The following BTBD10 variants were observed in gnomAD, a reference collection of about 807,000 sequenced individuals.
The protein encoded by BTBD10 is BTB/POZ domain-containing protein 10.
Under a neutral mutation model 53.2 loss-of-function variants are expected in BTBD10, and 21 were observed. That is an observed-to-expected ratio of 0.39 (90% CI 0.28 to 0.57). The LOEUF is 0.57. Among genes scored for constraint, BTBD10 ranks in the 20% least tolerant of loss-of-function variants. BTBD10 has a pLI of 0.53. For synonymous variants in BTBD10, 149 were observed against 192.7 expected, an observed-to-expected ratio of 0.77 and a Z score of 1.88; for missense variants, 360 against 594.7, an observed-to-expected ratio of 0.61 and a Z score of 4.10.
At chr11:13,419,115 G>A (rs1356575070) in intron 4 of BTBD10, among the ~76,000 whole-genome samples, 3 of 151,670 alleles carry the variant, frequency 2.0e-5, no homozygotes, top group Admixed American at 6.6e-5. Flanking sequence ...GAACCCAAGT[G>A]CAGGAAACAT....
intron 2 of BTBD10, among the ~76,000 whole-genome samples, chr11:13,443,968 A>C (rs1374115851): frequency 6.6e-6 from 1 of 151,784 alleles, no homozygotes; most frequent in African/African-American, 2.4e-5. Context: ...GGATGCTGAC[A>C]CACACACACA....
chr11:13,440,524 A>T (rs1435803882), intron 2 of BTBD10, among the ~76,000 whole-genome samples: 4 of 152,212 alleles, frequency 2.6e-5, no homozygotes, highest in Admixed American at 6.5e-5. Flanking sequence ...GCTCTTTAAA[A>T]TCAAAGAGAA....
At chr11:13,424,700 G>A (rs1023596254) in intron 2 of BTBD10, among the ~76,000 whole-genome samples, 7 of 152,076 alleles carry the variant, frequency 4.6e-5, no homozygotes, top group Admixed American at 6.5e-5. Flanking sequence ...AGCCAAGATA[G>A]AATAACAAGG....
At chr11:13,406,855 G>GTC (rs60764407) in intron 6 of BTBD10, among the ~76,000 whole-genome samples, 70,214 of 151,508 alleles carry the variant, frequency 0.46, 17,194 homozygotes, top group South Asian at 0.62. Context: ...ACTTAGCCAT[G>GTC]TCTCTCTCCA....
At position 13,445,126 on chromosome 11, in the gene BTBD10, C is replaced by T. The variant is rs545794626; in HGVS notation, c.-2G>A. 1.2e-6 allele frequency: 2 copies of T among 1,610,564 alleles called. No homozygotes were observed. The highest frequency in any genetic ancestry group is 3.3e-5 in the Admixed American group (2 of 59,952). ...ATAGGGATGAGGCCGTCCTGCCATC[C>T]CACTCCAAGCTTCCTCACACTACTG... On this transcript the variant is annotated 5_prime_UTR_variant, in exon 2 of 9. Coordinates refer to ENST00000278174, the MANE Select transcript of BTBD10 (RefSeq NM_032320.7).
At chr11:13,393,536 CT>C (rs1453170537) in intron 8 of BTBD10, among the ~76,000 whole-genome samples, 1 of 151,956 alleles carries the variant, frequency 6.6e-6, no homozygotes, top group Non-Finnish European at 1.5e-5. Flanking sequence ...GACTATTCTA[CT>C]TATTTTTTCA....
At chr11:13,413,702 C>G in intron 5 of BTBD10, 52 bp from the exon 6 acceptor site, 1 of 1,509,282 alleles carries the variant, frequency 6.6e-7, no homozygotes, top group Non-Finnish European at 8.9e-7. Flanking sequence ...ATAAGGTAGC[C>G]AAAACTTATT....
At chr11:13,455,895 C>T (rs72857073) in intron 1 of BTBD10, among the ~76,000 whole-genome samples, 24,010 of 152,070 alleles carry the variant, frequency 0.16, 2,086 homozygotes, top group Admixed American at 0.24. Flanking sequence ...CATTCCTTTC[C>T]GATTTTTGTC....
At chr11:13,445,774 C>G (rs1041983139) in intron 1 of BTBD10, among the ~76,000 whole-genome samples, 2 of 152,066 alleles carry the variant, frequency 1.3e-5, no homozygotes, top group African/African-American at 4.8e-5. Context: ...ATACTTTATG[C>G]CTTTTCACAT....
chr11:13,463,215 G>C lies in BTBD10; in HGVS notation c.-181C>G, dbSNP rs1232530110. On this transcript the variant is annotated 5_prime_UTR_variant, in exon 1 of 9. Transcript: ENST00000278174. ...GGTGGCTGTGGAGGAAGCCACTGAG[G>C]CGGCTGCGCGTAGCGGAGCCGCCCC... 6.6e-6 allele frequency: 1 copy of C among 152,220 alleles called. No homozygotes were observed. Among genetic ancestry groups the C allele is most frequent in the Non-Finnish European group, 1.5e-5 (1 of 68,086 alleles). The allele number at this position is 152,220 out of a possible 1,614,324, so 9.4% of individuals were successfully genotyped here. A position where few individuals can be genotyped will look rare whatever the true frequency, so the allele number is the denominator to read the frequency against.
chr11:13,411,623 T>C (rs780468701), intron 6 of BTBD10, among the ~76,000 whole-genome samples: 1 of 152,156 alleles, frequency 6.6e-6, no homozygotes, highest in Non-Finnish European at 1.5e-5. Flanking sequence ...AAATAAAAGA[T>C]ACTTAGTAGT....
intron 1 of BTBD10, among the ~76,000 whole-genome samples, chr11:13,449,776 G>C (rs775533493): frequency 2.0e-5 from 3 of 152,216 alleles, no homozygotes; most frequent in African/African-American, 4.8e-5. Context: ...ACTTGGGTGA[G>C]AGAAAACACT....
intron 2 of BTBD10, among the ~76,000 whole-genome samples, chr11:13,430,879 T>C (rs1027004951): frequency 2.0e-5 from 3 of 149,298 alleles, no homozygotes; most frequent in African/African-American, 7.4e-5. Flanking sequence ...GGTATAGGAG[T>C]TCAAAGGGAA....
chr11:13,429,883 G>A (rs1361701492), intron 2 of BTBD10, among the ~76,000 whole-genome samples: 1 of 151,994 alleles, frequency 6.6e-6, no homozygotes, highest in Non-Finnish European at 1.5e-5. Context: ...GTGGGAGGAT[G>A]GCTTGAGCCC....
intron 7 of BTBD10, chr11:13,404,483 TCAA>T (rs1271168681): frequency 5.2e-6 from 2 of 385,170 alleles, no homozygotes; most frequent in Non-Finnish European, 7.1e-6. Flanking sequence ...CTTCTTGGGG[TCAA>T]ACCTTTTGAA....
intron 8 of BTBD10, among the ~76,000 whole-genome samples, chr11:13,396,614 G>C (rs1310049956): frequency 6.6e-6 from 1 of 152,144 alleles, no homozygotes; most frequent in Non-Finnish European, 1.5e-5. Flanking sequence ...TCCCTTTCTT[G>C]TGCCAGTTTT....
chr11:13,441,434 T>G (rs747028015), intron 2 of BTBD10, among the ~76,000 whole-genome samples: 57 of 152,056 alleles, frequency 3.7e-4, no homozygotes, highest in Non-Finnish European at 6.9e-4. Context: ...TTTTAAAATT[T>G]TTTAATCTTT....
intron 1 of BTBD10, among the ~76,000 whole-genome samples, chr11:13,462,299 A>T (rs1252709684): frequency 6.6e-6 from 1 of 152,246 alleles, no homozygotes; most frequent in East Asian, 1.9e-4. Flanking sequence ...TTAAATAAAA[A>T]GCATGAAAAC....
In BTBD10 at chr11:13,388,818, A is replaced by C; in HGVS notation, c.*13T>G. 6.2e-7 allele frequency: 1 copy of C among 1,602,328 alleles called. No individual in the cohort carries two copies. Among genetic ancestry groups the C allele is most frequent in the Non-Finnish European group, 8.5e-7 (1 of 1,172,714 alleles). On this transcript the variant is annotated 3_prime_UTR_variant, in exon 9 of 9. Coordinates refer to ENST00000278174, the MANE Select transcript of BTBD10 (RefSeq NM_032320.7). ...TGAAGAGTAGCATGCTATGGTTTCA[A>C]GGAAGATCAGCATCACAGCATTGGA...
Sources: allele counts gnomAD v4.1 joint callset (sites outside exome capture counted in the v4.1 genomes callset), GRCh38; gene constraint gnomAD v4.1.1; transcripts MANE v1.5; gene names NCBI Gene and HGNC (gene_info 2026-07-23, HGNC 2026-07-21).